The following NRP2 variants were observed in gnomAD, a reference collection of about 807,000 sequenced individuals.
NRP2 encodes the protein neuropilin 2.
Under a neutral mutation model 110.4 loss-of-function variants are expected in NRP2, and 52 were observed. The observed-to-expected ratio is 0.47, with a 90% CI of 0.38 to 0.59. The LOEUF (loss-of-function observed/expected upper bound fraction) is 0.59. Ranked by LOEUF, NRP2 falls within the 20% of genes least tolerant of loss-of-function variation. NRP2 has a pLI of 0.00. For missense variants in NRP2, 1,049 were observed against 1,203.0 expected, an observed-to-expected ratio of 0.87 and a Z score of 1.89; for synonymous variants, 508 against 468.9, an observed-to-expected ratio of 1.08 and a Z score of -1.08.
Position 205,767,005 on chromosome 2 carries a change from G to C in NRP2, c.2425+202G>C, listed in dbSNP as rs1488503599. 6 of 617,850 alleles carry C rather than the reference G, an allele frequency of 9.7e-6. No individual in the cohort carries two copies. The Admixed American group carries it at 1.5e-4, about 15-fold the overall frequency. 38.3% of individuals were successfully genotyped at this position (617,850 alleles called of 1,614,324 possible). Reference sequence around the variant, plus strand: ...GGGATTGAGAGCCTCACTGTCTCTTGTTTAATTAAAGTTTAGAAACCTATT... The same window carrying C: ...GGGATTGAGAGCCTCACTGTCTCTTCTTTAATTAAAGTTTAGAAACCTATT... On this transcript the variant is annotated intron_variant, in intron 15 of 16. Coordinates refer to ENST00000357785, the MANE Select transcript of NRP2 (RefSeq NM_003872.3).
At chr2:205,765,746 G>A (rs1364812125) in intron 14 of NRP2, 176 bp downstream of exon 14, 1 of 746,182 alleles carries the variant, frequency 1.3e-6, no homozygotes, top group Non-Finnish European at 2.5e-6. Flanking sequence ...GTTCAGGGTG[G>A]GAAGGGGTGT....
intron 7 of NRP2, among the ~76,000 whole-genome samples, chr2:205,738,714 C>T (rs1316839663): frequency 1.3e-5 from 2 of 152,204 alleles, no homozygotes; most frequent in Non-Finnish European, 2.9e-5. Context: ...CTAACAAGTT[C>T]TTTCCCGGTG....
chr2:205,731,451 T>C (rs929243406), intron 7 of NRP2, among the ~76,000 whole-genome samples: 1 of 152,160 alleles, frequency 6.6e-6, no homozygotes, highest in Non-Finnish European at 1.5e-5. Flanking sequence ...AAGGTCTTGG[T>C]CTAGTTCCTG....
chr2:205,791,813 C>T (rs1420429024), intron 15 of NRP2, among the ~76,000 whole-genome samples: 1 of 152,202 alleles, frequency 6.6e-6, no homozygotes, highest in East Asian at 1.9e-4. Flanking sequence ...AGGAGAAAGA[C>T]TCTGATGCTT....
rs140321072 is a variant in NRP2 at position 205,763,768 on chromosome 2, G to A, written c.2139G>A (p.Pro713=). 7.9e-5 allele frequency: 127 copies of A among 1,614,072 alleles called. No homozygotes were observed. The highest frequency in any genetic ancestry group is 1.0e-4 in the Non-Finnish European group (120 of 1,180,050). Reference sequence around the variant, plus strand: ...CCCCTGTCCACCTGCCCCGAAGCCCGGTGTGCATGGAGTTCCAGTACCAGG... The same window carrying A: ...CCCCTGTCCACCTGCCCCGAAGCCCAGTGTGCATGGAGTTCCAGTACCAGG... ...ISPPVHLPRS[P]VCMEFQYQAT... The change falls in exon 13 of 17, where the codon CCG becomes CCA. Residue 713 remains proline (P), a synonymous_variant. Coordinates refer to ENST00000357785, the MANE Select transcript of NRP2 (RefSeq NM_003872.3). This position sits in a 1 kb window ranked among gnomAD's most constrained non-coding sequence, Gnocchi z 4.0.
rs375759403 is a variant in NRP2, at chr2:205,758,361, A to T, written c.2045-5313A>T. 5.1e-4 allele frequency among the ~76,000 whole-genome samples: 78 copies of T among 152,310 alleles called. 1 individual carries two copies. In the South Asian group the frequency reaches 0.013, roughly 26 times the overall value. ...GTTTGGCTTTGTGATAGCCAGGAGG[A>T]TCAAGCTGGTGATTTATTTCAGGGT... On this transcript the variant is annotated intron_variant, in intron 12 of 16. Coordinates refer to ENST00000357785, the MANE Select transcript of NRP2 (RefSeq NM_003872.3).
At chr2:205,685,565 G>A (rs1040922154) in intron 1 of NRP2, among the ~76,000 whole-genome samples, 2 of 152,228 alleles carry the variant, frequency 1.3e-5, no homozygotes, top group African/African-American at 4.8e-5. Flanking sequence ...GGCGGTCGCG[G>A]CGCGCGGCAC....
At position 205,697,713 on chromosome 2, in the gene NRP2, C is replaced by G; in HGVS notation, c.243C>G (p.His81Gln). The G allele has an allele frequency of 6.2e-7, 1 of 1,613,984 alleles. No individual in the cohort carries two copies. The highest frequency in any genetic ancestry group is 8.5e-7 in the Non-Finnish European group (1 of 1,179,992). The change falls in exon 2 of 17, where the codon CAC becomes CAG. Residue 81 changes from histidine (H) to glutamine (Q), a missense_variant. Coordinates refer to ENST00000357785, the MANE Select transcript of NRP2 (RefSeq NM_003872.3). ...NFNPHFEIEK[H>Q]DCKYDFIEIR... ...ACCCTCACTTTGAAATCGAGAAGCA[C>G]GACTGCAAGTAAGCACCGTCCTGTC...
At position 205,778,078 on chromosome 2, in the gene NRP2, TC is replaced by T. The variant is rs2058126309; in HGVS notation, c.2425+11276del. On this transcript the variant is annotated intron_variant, in intron 15 of 16. Coordinates refer to ENST00000357785, the MANE Select transcript of NRP2 (RefSeq NM_003872.3). ...ATAGAAAATGCAAATTTTAAGATTC[TC>T]AGTGTATGAGGTCTCAGCCTCGGGA... 2.6e-5 allele frequency: 4 copies of T among 152,350 alleles called. No individual in the cohort carries two copies. In the East Asian group the frequency reaches 7.7e-4, roughly 29 times the overall value. 9.4% of individuals were successfully genotyped at this position (152,350 alleles called of 1,614,324 possible).
At chr2:205,738,828 C>T (rs951746740) in intron 7 of NRP2, among the ~76,000 whole-genome samples, 10 of 152,166 alleles carry the variant, frequency 6.6e-5, no homozygotes, top group Non-Finnish European at 1.2e-4. Flanking sequence ...TGGTGGACTT[C>T]GCACCAGATC....
chr2:205,754,105 G>A (rs890872342), intron 12 of NRP2, among the ~76,000 whole-genome samples: 1 of 152,238 alleles, frequency 6.6e-6, no homozygotes, highest in East Asian at 1.9e-4. Flanking sequence ...ACAGCACTGA[G>A]TGACTTTGAA....
In NRP2 at chr2:205,749,815, G is replaced by A. The variant is rs1237082289; in HGVS notation, c.1877G>A (p.Cys626Tyr). 6.2e-7 allele frequency: 1 copy of A among 1,614,018 alleles called. No homozygotes were observed. The highest frequency in any genetic ancestry group is 1.3e-5 in the African/African-American group (1 of 74,944). The stretch of plus-strand genomic sequence containing the variant: ...CCCACCGAAGAGGAGGCCACAGAGT[G>A]TGGGGAGAACTGCAGCTTTGAGGAT... The part of the protein sequence containing the change: ...PYPTEEEATE[C>Y]GENCSFEDDK... The change falls in exon 11 of 17, where the codon TGT (cysteine) becomes TAT (tyrosine). Residue 626 changes from cysteine to tyrosine, a missense_variant. Transcript: ENST00000357785.
At chr2:205,783,353 T>A (rs35994695) in intron 15 of NRP2, among the ~76,000 whole-genome samples, 2,494 of 152,318 alleles carry the variant, frequency 0.016, 34 homozygotes, top group Middle Eastern at 0.034. Flanking sequence ...GATTAATGAG[T>A]TCCACTTGCT....
At chr2:205,744,702 C>T (rs79000749) in intron 9 of NRP2, among the ~76,000 whole-genome samples, 1,889 of 152,310 alleles carry the variant, frequency 0.012, 36 homozygotes, top group African/African-American at 0.043. Flanking sequence ...TCGGGGCCAC[C>T]TTTGCTAAGC....
intron 12 of NRP2, among the ~76,000 whole-genome samples, chr2:205,757,362 T>C (rs901618086): frequency 1.1e-4 from 16 of 152,162 alleles, no homozygotes; most frequent in Admixed American, 1.0e-3. Flanking sequence ...ACTGGGGCTA[T>C]TTTGATGCAG....
chr2:205,708,407 C>T (rs922562517), intron 2 of NRP2, among the ~76,000 whole-genome samples: 14 of 152,166 alleles, frequency 9.2e-5, no homozygotes, highest in South Asian at 6.2e-4. Flanking sequence ...GCCAGGTCAG[C>T]GAGGGAAATG....
chr2:205,700,736 C>T lies in NRP2; in HGVS notation c.251+3015C>T, dbSNP rs371772394. The T allele has an allele frequency of 6.6e-4, 343 of 518,618 alleles. 3 individuals carry two copies. Among genetic ancestry groups the T allele is most frequent in the African/African-American group, 5.9e-3 (309 of 52,094 alleles). 32.1% of individuals were successfully genotyped at this position (518,618 alleles called of 1,614,324 possible). Reference sequence around the variant, plus strand: ...CTGTCTGCTTGGAAAATTTCACTCACAAGCCGCAGCTTTGCCTGACTCAGT... The same window carrying T: ...CTGTCTGCTTGGAAAATTTCACTCATAAGCCGCAGCTTTGCCTGACTCAGT... On this transcript the variant is annotated intron_variant, in intron 2 of 16. Transcript: ENST00000357785.
At position 205,742,292 on chromosome 2, in the gene NRP2, G is replaced by T. The variant is rs145200349; in HGVS notation, c.1292-911G>T. 2.3e-3 allele frequency among the ~76,000 whole-genome samples: 348 copies of T among 152,334 alleles called. 3 individuals are homozygous for T. Among genetic ancestry groups the T allele is most frequent in the Admixed American group, 4.3e-3 (66 of 15,304 alleles). On this transcript the variant is annotated intron_variant, in intron 8 of 16. Coordinates refer to ENST00000357785, the MANE Select transcript of NRP2 (RefSeq NM_003872.3). The stretch of plus-strand genomic sequence containing the variant: ...ATCATTTGTTCCACACATCTGATGT[G>T]CCAGGCACACACTGGGAATGGGACA...
intron 9 of NRP2, among the ~76,000 whole-genome samples, chr2:205,745,475 C>T (rs1286916101): frequency 1.3e-5 from 2 of 152,178 alleles, no homozygotes; most frequent in East Asian, 3.9e-4. Context: ...ATTTTAGTCA[C>T]CAGGTAAAAG....
Sources: allele counts gnomAD v4.1 joint callset (sites outside exome capture counted in the v4.1 genomes callset), GRCh38; gene constraint gnomAD v4.1.1; non-coding constraint Gnocchi (gnomAD v3.1); transcripts MANE v1.5; gene names NCBI Gene and HGNC (gene_info 2026-07-23, HGNC 2026-07-21).